The following MICAL1 variants were observed in gnomAD, a reference collection of about 807,000 sequenced individuals.
MICAL1 encodes [F-actin]-monooxygenase MICAL1.
A neutral mutation model predicts 131.8 loss-of-function variants in MICAL1; 95 were observed. The observed-to-expected ratio is 0.72, with a 90% CI of 0.61 to 0.86. MICAL1 has a LOEUF of 0.86. MICAL1 is among the 40% of genes least tolerant of loss of function. The pLI is 0.00. For synonymous variants in MICAL1, 546 were observed against 554.2 expected (o/e 0.99, Z 0.21); for missense variants, 1,292 against 1,380.6 (o/e 0.94, Z 1.02).
chr6:109,447,602 A>G, intron 15 of MICAL1, 79 bp downstream of exon 15: 1 of 1,603,128 alleles, frequency 6.2e-7, no homozygotes. Context: ...AAGACATGGG[A>G]TGAGAAATAG....
chr6:109,448,901 T>C, intron 11 of MICAL1, 22 bp from the exon 12 acceptor site: 1 of 1,611,720 alleles, frequency 6.2e-7, no homozygotes, highest in Non-Finnish European at 8.5e-7. Context: ...GGCTGTGCTG[T>C]GCCCAAGGCC....
chr6:109,463,177 G>A (rs1775937570), intron 1 of MICAL1: 1 of 152,196 alleles, frequency 6.6e-6, no homozygotes, highest in East Asian at 1.9e-4. Flanking sequence ...AGTAGAGATG[G>A]GGTTTCACTA....
Position 109,453,807 on chromosome 6 carries a change from G to A in MICAL1, c.297C>T (p.Val99=), listed in dbSNP as rs899298563. The A allele has an allele frequency of 1.2e-5, 20 of 1,613,520 alleles. No homozygotes were observed. The highest frequency in any genetic ancestry group is 1.7e-5 in the Admixed American group (1 of 60,010). The change falls in exon 3 of 25, where the codon GTC becomes GTT. Residue 99 remains valine (V), a synonymous_variant. Coordinates refer to ENST00000358807, the MANE Select transcript of MICAL1 (RefSeq NM_022765.4). The part of the protein sequence containing the change: ...VVGAGPCGLR[V]AVELALLGAR... ...CCCCCAGCAGCGCCAGCTCCACAGC[G>A]ACCCGCAGCCCGCAAGGTCCAGCAC... is the stretch of plus-strand genomic sequence containing the variant.
chr6:109,464,658 T>A (rs1775989550), intron 1 of MICAL1: 1 of 152,190 alleles, frequency 6.6e-6, no homozygotes, highest in African/African-American at 2.4e-5. Context: ...AGATGAAGAT[T>A]AGCTGGGTGT....
At chr6:109,452,658 AAGAGCCC>A (rs958196353) in intron 4 of MICAL1, 43 bp from the exon 5 acceptor site, 3 of 1,483,068 alleles carry the variant, frequency 2.0e-6, no homozygotes, top group Middle Eastern at 2.3e-4. Context: ...TAGAAGTCGT[AAGAGCCC>A]CTATACTCTC....
In MICAL1 at chr6:109,448,723, G is replaced by C. The variant is rs756212423; in HGVS notation, c.1664+9C>G. 6.2e-7 allele frequency: 1 copy of C among 1,613,764 alleles called. No individual in the cohort carries two copies. The highest frequency in any genetic ancestry group is 1.1e-5 in the South Asian group (1 of 91,088). On this transcript the variant is annotated intron_variant, in intron 12 of 24. Coordinates refer to ENST00000358807, the MANE Select transcript of MICAL1 (RefSeq NM_022765.4). The stretch of plus-strand genomic sequence containing the variant: ...TCATGAGAGAGAGGTGGGTCTGCCA[G>C]GGACTCACAGCAGGCCAGGCTGCAG...
At chr6:109,447,527 G>A in intron 15 of MICAL1, 87 bp from the exon 16 acceptor site, 1 of 1,527,666 alleles carries the variant, frequency 6.5e-7, no homozygotes, top group Non-Finnish European at 9.0e-7. Flanking sequence ...AGGGGCTGAA[G>A]GGAAGGGGAG....
rs201795828 is a variant in MICAL1 at position 109,450,563 on chromosome 6, T to C, written c.934-6A>G. 6.8e-5 allele frequency: 109 copies of C among 1,597,126 alleles called. 1 individual carries two copies. In the South Asian group the frequency reaches 9.2e-4, roughly 13 times the overall value. On this transcript the variant is annotated splice_region_variant and splice_polypyrimidine_tract_variant and intron_variant, in intron 7 of 24. Coordinates refer to ENST00000358807, the MANE Select transcript of MICAL1 (RefSeq NM_022765.4). ...CGATTGGTGTCTGGCCAGTCCTGTA[T>C]GGTCAACAGAGCAGAACCTCAGAGA...
rs1056081342 is a variant in MICAL1, at chr6:109,465,945, G to T, written c.-268C>A. On this transcript the variant is annotated 5_prime_UTR_variant, in exon 1 of 25. Transcript: ENST00000630715. Reference sequence around the variant, plus strand: ...CTGTGTCAGCTGCAGGTGCTGAGCTGGATCTGAAGTACTTGTAGCTAAATG... The same window carrying T: ...CTGTGTCAGCTGCAGGTGCTGAGCTTGATCTGAAGTACTTGTAGCTAAATG... 6 of 1,614,076 alleles carry T rather than the reference G, an allele frequency of 3.7e-6. No homozygotes were observed. In the African/African-American group the frequency reaches 8.0e-5, roughly 22 times the overall value.
At position 109,446,264 on chromosome 6, in the gene MICAL1, G is replaced by A; in HGVS notation, c.2453C>T (p.Ser818Phe). The change falls in exon 19 of 25, where the codon TCC becomes TTC. Residue 818 changes from serine (S) to phenylalanine (F), a missense_variant. Transcript: ENST00000358807. The part of the protein sequence containing the change: ...LSSPERQRLS[S>F]LNLTPDPEME... ...TTCCGGGTCAGGGGTAAGGTTAAGG[G>A]AGGACAACCGCTGGCGCTCCGGGCT... The A allele has an allele frequency of 6.2e-7, 1 of 1,613,694 alleles. No individual in the cohort carries two copies. The highest frequency in any genetic ancestry group is 8.5e-7 in the Non-Finnish European group (1 of 1,179,850).
intron 19 of MICAL1, 59 bp from the exon 20 acceptor site, chr6:109,445,921 A>G (rs1775196460): frequency 6.4e-7 from 1 of 1,561,966 alleles, no homozygotes; most frequent in African/African-American, 1.4e-5. Context: ...TCAGGCAACA[A>G]AGAGCATGGT....
chr6:109,462,762 T>G (rs1477626713), intron 1 of MICAL1: 3 of 152,222 alleles, frequency 2.0e-5, no homozygotes, highest in African/African-American at 7.2e-5. Context: ...GACCCTCTTC[T>G]GGGAGAAAAC....
At chr6:109,465,921 T>G in exon 1 of MICAL1, 1 of 1,614,184 alleles carries the variant, frequency 6.2e-7, no homozygotes, top group Non-Finnish European at 8.5e-7. Context: ...ACCAGGCTCC[T>G]GTGTCAGCTG....
chr6:109,446,800 A>G (rs778569183), intron 17 of MICAL1, 28 bp from the exon 18 acceptor site: 7 of 1,603,204 alleles, frequency 4.4e-6, no homozygotes, highest in South Asian at 1.1e-5. Context: ...GGGAGGAGGC[A>G]TTTGGTGTGG....
chr6:109,447,493 A>AG, intron 15 of MICAL1, 53 bp from the exon 16 acceptor site: 1 of 1,567,804 alleles, frequency 6.4e-7, no homozygotes. Context: ...GCCAGCTGGG[A>AG]GGGGATGCGT....
At chr6:109,454,564 C>T (rs1228999569) in intron 1 of MICAL1, 1 of 344,322 alleles carries the variant, frequency 2.9e-6, no homozygotes, top group Non-Finnish European at 5.4e-6. Context: ...GCCTGCCTTC[C>T]TTAGGCCTTG....
At chr6:109,449,896 A>G (rs565768825) in intron 9 of MICAL1, 74 bp downstream of exon 9, 6 of 1,592,082 alleles carry the variant, frequency 3.8e-6, no homozygotes, top group Admixed American at 3.4e-5. Context: ...CTATTCACTC[A>G]GCACCCCTGC....
chr6:109,460,523 TAC>T (rs113472586), upstream of MICAL1, among the ~76,000 whole-genome samples: 310 of 147,726 alleles, frequency 2.1e-3, 2 homozygotes, highest in South Asian at 0.012. Context: ...TATATATAAA[TAC>T]ACACACACAC....
At chr6:109,459,005 G>A (rs2115346537), upstream of MICAL1, among the ~76,000 whole-genome samples, 1 of 152,282 alleles carries the variant, frequency 6.6e-6, no homozygotes, top group South Asian at 2.1e-4. Context: ...AATCAGAGTG[G>A]GGGCAGACAA....
Sources: gnomAD v4.1 joint callset for allele counts (sites outside exome capture counted in the v4.1 genomes callset) on GRCh38, gnomAD v4.1.1 for gene constraint, MANE v1.5 for transcripts, NCBI Gene and HGNC (gene_info 2026-07-23, HGNC 2026-07-21) for gene names.